Variants in CCDC18 observed in about 807,000 individuals in gnomAD.
CCDC18 encodes coiled-coil domain containing 18.
A neutral mutation model predicts 196.0 loss-of-function variants in CCDC18; 157 were observed. The ratio of observed to expected loss-of-function variants is 0.80; its 90% confidence interval spans 0.70 to 0.91. The LOEUF is 0.91. CCDC18 is among the 40% of genes least tolerant of loss of function. The pLI is 0.00. For synonymous variants in CCDC18, 482 were observed against 529.2 expected (o/e 0.91, Z 1.22); for missense variants, 1,465 against 1,611.6 (o/e 0.91, Z 1.56).
chr1:93,223,315 G>GA (rs1657752181), intron 16 of CCDC18, among the ~76,000 whole-genome samples: 1 of 152,054 alleles, frequency 6.6e-6, no homozygotes, highest in Non-Finnish European at 1.5e-5. Context: ...GCTGTTTGGG[G>GA]AAAAATCAAA....
At chr1:93,181,862 G>T (rs1649769037) in intron 1 of CCDC18, among the ~76,000 whole-genome samples, 1 of 152,116 alleles carries the variant, frequency 6.6e-6, no homozygotes, top group South Asian at 2.1e-4. Context: ...TGATCCACCC[G>T]CCTTGACCTC....
chr1:93,260,730 C>T (rs1164525795), intron 26 of CCDC18, among the ~76,000 whole-genome samples: 2 of 151,870 alleles, frequency 1.3e-5, no homozygotes, highest in African/African-American at 2.4e-5. Context: ...CAACCTGTCA[C>T]CTACATTAGG....
At chr1:93,180,046 G>T, upstream of CCDC18, 1 of 1,611,132 alleles carries the variant, frequency 6.2e-7, no homozygotes. Flanking sequence ...TTTATCCTCC[G>T]CACTTACTTG....
intron 4 of CCDC18, chr1:93,190,937 C>T: frequency 1.2e-6 from 1 of 819,034 alleles, no homozygotes; most frequent in Non-Finnish European, 2.1e-6. Context: ...TGCTTCCTGT[C>T]ATATCGACAC....
chr1:93,211,202 C>G (rs112179631), intron 10 of CCDC18, among the ~76,000 whole-genome samples: 13,491 of 151,576 alleles, frequency 0.089, 1,986 homozygotes, highest in African/African-American at 0.31. Flanking sequence ...CACTTGAACC[C>G]GGGAGGCGGT....
intron 26 of CCDC18, among the ~76,000 whole-genome samples, chr1:93,261,687 G>A (rs967162251): frequency 3.3e-5 from 5 of 151,832 alleles, no homozygotes; most frequent in Non-Finnish European, 7.4e-5. Context: ...TCCCTTGAAT[G>A]GAGTTTAACA....
At chr1:93,180,938 C>T (rs1649507613) in intron 1 of CCDC18, 86 bp downstream of exon 1, 26 of 1,273,544 alleles carry the variant, frequency 2.0e-5, no homozygotes, top group Non-Finnish European at 2.5e-5. Flanking sequence ...AGTTCTGTTC[C>T]TTTCCCTCCC....
At chr1:93,214,498 A>C (rs1286351440) in intron 11 of CCDC18, among the ~76,000 whole-genome samples, 1 of 152,220 alleles carries the variant, frequency 6.6e-6, no homozygotes, top group Non-Finnish European at 1.5e-5. Flanking sequence ...TCTGGTACAA[A>C]GGAATAGTCT....
At chr1:93,233,385 A>G (rs1659537856) in intron 18 of CCDC18, among the ~76,000 whole-genome samples, 2 of 152,222 alleles carry the variant, frequency 1.3e-5, no homozygotes, top group South Asian at 4.1e-4. Context: ...AATTCTTTAG[A>G]TATTTTACAT....
chr1:93,201,985 A>G lies in CCDC18; in HGVS notation c.792A>G (p.Glu264=), dbSNP rs1280830572. ...QYKKKVAEKL[E]KVQAEEEILE... is the part of the protein sequence containing the mutation. ...AAAAAAAAGTGGCTGAAAAACTGGA[A>G]AAGGTAAAAGGCAGTTGTGCAAATT... Residue 264 remains glutamate (E), a synonymous_variant, in exon 7 of 29, where the codon GAA becomes GAG. Coordinates refer to ENST00000690025, the MANE Select transcript of CCDC18 (RefSeq NM_001378204.1). 1.3e-6 allele frequency: 2 copies of G among 1,594,578 alleles called. No homozygotes were observed. Among genetic ancestry groups the G allele is most frequent in the African/African-American group, 2.7e-5 (2 of 74,398 alleles).
upstream of CCDC18, chr1:93,180,437 G>T: frequency 7.6e-7 from 1 of 1,312,896 alleles, no homozygotes; most frequent in Non-Finnish European, 1.0e-6. Context: ...TCTGGGCGGG[G>T]CTAGCAGTCC....
At chr1:93,215,645 A>T (rs1656367467) in intron 12 of CCDC18, among the ~76,000 whole-genome samples, 1 of 151,920 alleles carries the variant, frequency 6.6e-6, no homozygotes, top group East Asian at 1.9e-4. Context: ...TTTTATTTGT[A>T]GAGACAGTCG....
At chr1:93,190,734 T>C (rs921433332) in intron 4 of CCDC18, 4 of 499,386 alleles carry the variant, frequency 8.0e-6, no homozygotes, top group Admixed American at 6.5e-5. Context: ...AAACAAAAGA[T>C]AACACTTAGA....
At position 93,183,410 on chromosome 1, in the gene CCDC18, A is replaced by G; in HGVS notation, c.49A>G (p.Ser17Gly). ...DYYNKDNEEE[S>G]LLANVASLRH... is the part of the protein sequence containing the mutation. The stretch of plus-strand genomic sequence containing the variant: ...CTATAATAAAGACAATGAAGAGGAA[A>G]GTTTGCTTGCAAATGTTGCTTCCTT... The change falls in exon 2 of 29, where the codon AGT becomes GGT. Residue 17 changes from serine (S) to glycine (G), a missense_variant. Coordinates refer to ENST00000690025, the MANE Select transcript of CCDC18 (RefSeq NM_001378204.1). 6.2e-7 allele frequency: 1 copy of G among 1,605,382 alleles called. No individual in the cohort carries two copies. The highest frequency in any genetic ancestry group is 8.5e-7 in the Non-Finnish European group (1 of 1,174,090).
chr1:93,204,745 T>C (rs912968760), intron 7 of CCDC18, among the ~76,000 whole-genome samples: 2 of 150,096 alleles, frequency 1.3e-5, no homozygotes, highest in Non-Finnish European at 3.0e-5. Context: ...TACTGAAATC[T>C]TTTTTTTTTA....
intron 6 of CCDC18, among the ~76,000 whole-genome samples, chr1:93,194,039 C>T (rs1333073709): frequency 2.0e-5 from 3 of 152,004 alleles, no homozygotes; most frequent in Non-Finnish European, 4.4e-5. Context: ...GAAACCAGTA[C>T]ACTGAGTTTA....
chr1:93,256,510 A>G lies in CCDC18; in HGVS notation c.3518A>G (p.Glu1173Gly). 1 of 1,613,900 alleles carries G rather than the reference A, an allele frequency of 6.2e-7. No homozygotes were observed. Among genetic ancestry groups the G allele is most frequent in the Non-Finnish European group, 8.5e-7 (1 of 1,179,810 alleles). ...REIERLSSEL[E>G]DMKQLSKEKD... ...ATAGAAAGGCTCTCTAGTGAACTGG[A>G]GGATATGAAGCAACTCTCTAAAGAG... Residue 1173 changes from glutamate to glycine, a missense_variant, in exon 25 of 29, where the codon GAG becomes GGG. Glu to Gly is a moderately conservative substitution (Grantham distance 98). Coordinates refer to ENST00000690025, the MANE Select transcript of CCDC18 (RefSeq NM_001378204.1).
At chr1:93,269,637 T>C (rs946737377) in intron 27 of CCDC18, 3 of 152,152 alleles carry the variant, frequency 2.0e-5, no homozygotes, top group African/African-American at 7.2e-5. Context: ...TATGGATACC[T>C]TTAAGAAAAG....
intron 12 of CCDC18, among the ~76,000 whole-genome samples, chr1:93,215,924 G>T (rs1270315118): frequency 6.6e-6 from 1 of 152,186 alleles, no homozygotes; most frequent in Non-Finnish European, 1.5e-5. Flanking sequence ...CAGGATAAGG[G>T]TGCCTCATTA....
Sources: gnomAD v4.1 joint callset for allele counts (sites outside exome capture counted in the v4.1 genomes callset) on GRCh38, gnomAD v4.1.1 for gene constraint, MANE v1.5 for transcripts, NCBI Gene and HGNC (gene_info 2026-07-23, HGNC 2026-07-21) for gene names.